USP34: variants seen among roughly 807,000 people sequenced by gnomAD.
The protein encoded by USP34 is ubiquitin specific peptidase 34.
A neutral mutation model predicts 460.3 loss-of-function variants in USP34; 70 were observed. That is an observed-to-expected ratio of 0.15 (90% CI 0.13 to 0.19). The LOEUF (loss-of-function observed/expected upper bound fraction) is 0.19, where lower values mean the gene tolerates loss of function less well. Ranked by LOEUF, USP34 falls within the 10% of genes least tolerant of loss-of-function variation. USP34 has a pLI of 1.00. For missense variants in USP34, 3,985 were observed against 4,236.2 expected, an observed-to-expected ratio of 0.94 and a Z score of 1.65; for synonymous variants, 1,647 against 1,405.3, an observed-to-expected ratio of 1.17 and a Z score of -3.85.
chr2:61,379,939 T>C (rs936507299), intron 7 of USP34, among the ~76,000 whole-genome samples: 22 of 152,002 alleles, frequency 1.4e-4, no homozygotes, highest in African/African-American at 2.4e-5. Context: ...GATGAAAGAG[T>C]TGGACCCGGA....
At chr2:61,468,557 G>A (rs1441172298) in intron 1 of USP34, among the ~76,000 whole-genome samples, 1 of 152,166 alleles carries the variant, frequency 6.6e-6, no homozygotes, top group Non-Finnish European at 1.5e-5. Flanking sequence ...GAGCCTCAAA[G>A]GCAATATTAA....
chr2:61,325,567 A>C (rs1317879996), intron 20 of USP34, 110 bp from the exon 21 acceptor site: 4 of 581,620 alleles, frequency 6.9e-6, no homozygotes, highest in Non-Finnish European at 8.0e-6. Context: ...AATAATTCAT[A>C]ATTATTTTAA....
chr2:61,302,534 T>G (rs1051176478), intron 27 of USP34, among the ~76,000 whole-genome samples: 7 of 152,250 alleles, frequency 4.6e-5, no homozygotes, highest in African/African-American at 1.7e-4. Flanking sequence ...TCAAAATGGT[T>G]TGACAAACGT....
At chr2:61,322,443 AAGGCATTAT>A (rs141917247) in intron 21 of USP34, among the ~76,000 whole-genome samples, 1,577 of 152,280 alleles carry the variant, frequency 0.01, 32 homozygotes, top group African/African-American at 0.036. Context: ...AACAAAAGGG[AAGGCATTAT>A]AGGCAATCAC....
At chr2:61,298,411 G>A (rs534987298) in intron 29 of USP34, among the ~76,000 whole-genome samples, 379 of 146,382 alleles carry the variant, frequency 2.6e-3, no homozygotes, top group Non-Finnish European at 4.3e-3. Flanking sequence ...GGTGGCGTGC[G>A]CCTGTAGTCC....
At chr2:61,356,252 CCAAGGCGGGT>C (rs1205883794) in intron 10 of USP34, among the ~76,000 whole-genome samples, 1 of 151,800 alleles carries the variant, frequency 6.6e-6, no homozygotes, top group African/African-American at 2.4e-5. Context: ...CTTTGGGAGG[CCAAGGCGGGT>C]GGATCACTTG....
At chr2:61,376,415 G>C (rs1294986604) in intron 8 of USP34, among the ~76,000 whole-genome samples, 1 of 152,076 alleles carries the variant, frequency 6.6e-6, no homozygotes, top group Non-Finnish European at 1.5e-5. Context: ...CCTTGCATTT[G>C]TTATTGGAAT....
chr2:61,405,213 A>T (rs1693831662), intron 3 of USP34, among the ~76,000 whole-genome samples: 1 of 135,434 alleles, frequency 7.4e-6, no homozygotes, highest in Non-Finnish European at 1.5e-5. Context: ...AGCCTGGGCA[A>T]CAGAGAGAGA....
intron 1 of USP34, among the ~76,000 whole-genome samples, chr2:61,455,895 G>C (rs1376291095): frequency 6.6e-6 from 1 of 152,218 alleles, no homozygotes; most frequent in Non-Finnish European, 1.5e-5. Flanking sequence ...TAAGAGGTAA[G>C]GGAACTTAGC....
intron 48 of USP34, among the ~76,000 whole-genome samples, chr2:61,254,858 T>C (rs1275797452): frequency 6.6e-6 from 1 of 152,188 alleles, no homozygotes; most frequent in East Asian, 1.9e-4. Flanking sequence ...CATTTTTTTT[T>C]CTTTTTTGAG....
At chr2:61,447,484 T>TA (rs1695154040) in intron 1 of USP34, among the ~76,000 whole-genome samples, 1 of 152,106 alleles carries the variant, frequency 6.6e-6, no homozygotes, top group Admixed American at 6.6e-5. Context: ...TTGTTAAATA[T>TA]AAAAAATCTG....
chr2:61,410,862 A>G (rs1424135411), intron 2 of USP34, among the ~76,000 whole-genome samples: 1 of 152,180 alleles, frequency 6.6e-6, no homozygotes, highest in Non-Finnish European at 1.5e-5. Context: ...AAGAAAAATC[A>G]ACCCCACAGA....
chr2:61,343,883 T>C lies in USP34; in HGVS notation c.2432A>G (p.Glu811Gly). Residue 811 changes from glutamate to glycine, a missense_variant, in exon 16 of 80, where the codon GAA becomes GGA. Transcript: ENST00000398571. ...ATGTTGTTGGAGGTGAGATGTCAGTTCCGCATGTGAATTAATCTGAACTAG... is the reference window on the plus strand; with the variant it reads ...ATGTTGTTGGAGGTGAGATGTCAGTCCCGCATGTGAATTAATCTGAACTAG... ...EELVQINSHA[E>G]LTSHLQQHLP... is the part of the protein sequence containing the mutation. 2 of 1,614,022 alleles carry C rather than the reference T, an allele frequency of 1.2e-6. No homozygotes were observed. The highest frequency in any genetic ancestry group is 1.7e-6 in the Non-Finnish European group (2 of 1,179,936).
At chr2:61,468,629 T>C (rs1215740045) in intron 1 of USP34, among the ~76,000 whole-genome samples, 2 of 152,226 alleles carry the variant, frequency 1.3e-5, no homozygotes, top group African/African-American at 4.8e-5. Context: ...TACTTGTTCA[T>C]TAGAACAGGT....
chr2:61,358,226 A>G (rs1366917912), intron 10 of USP34, among the ~76,000 whole-genome samples: 3 of 151,788 alleles, frequency 2.0e-5, no homozygotes, highest in Non-Finnish European at 4.4e-5. Flanking sequence ...ATAAATAAGA[A>G]TGTTAATAGA....
intron 20 of USP34, among the ~76,000 whole-genome samples, chr2:61,325,741 T>G (rs1321325596): frequency 6.6e-6 from 1 of 152,132 alleles, no homozygotes; most frequent in Non-Finnish European, 1.5e-5. Context: ...GTATGTCATT[T>G]TAAAAGTATG....
intron 1 of USP34, among the ~76,000 whole-genome samples, chr2:61,438,634 C>T (rs1694883510): frequency 1.4e-5 from 2 of 147,168 alleles, no homozygotes; most frequent in Admixed American, 1.4e-4. Context: ...AAAAAAAAAA[C>T]ACTCTCAATA....
chr2:61,259,554 A>AT (rs34649680), intron 44 of USP34, among the ~76,000 whole-genome samples, 157 bp downstream of exon 44: 117 of 147,228 alleles, frequency 7.9e-4, no homozygotes, highest in African/African-American at 1.3e-3. Context: ...TGCCTGGCTT[A>AT]TTTTTTTTTT....
intron 48 of USP34, among the ~76,000 whole-genome samples, chr2:61,254,806 A>T (rs891992071): frequency 1.3e-5 from 2 of 152,164 alleles, no homozygotes; most frequent in Non-Finnish European, 2.9e-5. Context: ...TAAAGGGAAA[A>T]AATTGTATAA....
Sources: allele counts gnomAD v4.1 joint callset (sites outside exome capture counted in the v4.1 genomes callset), GRCh38; gene constraint gnomAD v4.1.1; transcripts MANE v1.5; gene names NCBI Gene and HGNC (gene_info 2026-07-23, HGNC 2026-07-21).